The following FHL2 variants were observed in gnomAD, a reference collection of about 807,000 sequenced individuals.
FHL2 encodes the protein four and a half LIM domains protein 2.
In FHL2, 20 loss-of-function variants were observed where a neutral mutation model predicts 32.7. That is an observed-to-expected ratio of 0.61 (90% confidence interval 0.43 to 0.89). The LOEUF (loss-of-function observed/expected upper bound fraction) is 0.89. Among genes scored for constraint, FHL2 ranks in the 40% least tolerant of loss-of-function variants. FHL2 has a pLI of 0.00. For missense variants in FHL2, 311 were observed against 358.6 expected (o/e 0.87, Z 1.07); for synonymous variants, 123 against 128.1 (o/e 0.96, Z 0.27).
chr2:105,420,492 A>G (rs1684068608), intron 1 of FHL2, among the ~76,000 whole-genome samples: 1 of 152,142 alleles, frequency 6.6e-6, no homozygotes, highest in South Asian at 2.1e-4. Context: ...CAGCATATCA[A>G]TTTGGGGGAG....
intron 1 of FHL2, among the ~76,000 whole-genome samples, chr2:105,430,622 C>G (rs894062630): frequency 1.3e-5 from 2 of 152,146 alleles, no homozygotes; most frequent in African/African-American, 4.8e-5. Flanking sequence ...GAGCTGAGAT[C>G]GCGCCACTGC....
intron 4 of FHL2, among the ~76,000 whole-genome samples, chr2:105,371,094 A>G (rs1681029568): frequency 1.3e-5 from 2 of 152,064 alleles, no homozygotes; most frequent in Non-Finnish European, 2.9e-5. Context: ...TTATCTGATC[A>G]TGTTTTTCTT....
At chr2:105,399,495 C>T, upstream of FHL2, 1 of 1,536,172 alleles carries the variant, frequency 6.5e-7, no homozygotes. Flanking sequence ...GACGTTTTTC[C>T]TTCTTACCCT....
chr2:105,397,881 GTTTTTTGTT>G (rs1423592060), intron 1 of FHL2, among the ~76,000 whole-genome samples: 1,557 of 116,344 alleles, frequency 0.013, 29 homozygotes, highest in African/African-American at 0.046. Flanking sequence ...TTGTTTTTTT[GTTTTTTGTT>G]TTTTTTTGTC....
intron 1 of FHL2, among the ~76,000 whole-genome samples, chr2:105,432,192 G>A (rs1318932438): frequency 2.6e-5 from 4 of 152,124 alleles, no homozygotes; most frequent in East Asian, 1.9e-4. Flanking sequence ...TTGGATGATC[G>A]CCCATGCTGG....
intron 3 of FHL2, among the ~76,000 whole-genome samples, chr2:105,382,008 G>A (rs1392603618): frequency 6.6e-6 from 1 of 151,984 alleles, no homozygotes; most frequent in Non-Finnish European, 1.5e-5. Context: ...ATATACTAGG[G>A]GCATCTAGAT....
At chr2:105,395,201 A>G (rs1319489447) in intron 2 of FHL2, among the ~76,000 whole-genome samples, 2 of 152,204 alleles carry the variant, frequency 1.3e-5, no homozygotes, top group Non-Finnish European at 2.9e-5. Flanking sequence ...TTAATCTCAA[A>G]ACACATCAAT....
intron 4 of FHL2, among the ~76,000 whole-genome samples, chr2:105,368,928 T>A (rs1680829664): frequency 6.6e-6 from 1 of 152,224 alleles, no homozygotes; most frequent in African/African-American, 2.4e-5. Flanking sequence ...GCTTTTCAAA[T>A]GAAGTTTTAT....
chr2:105,433,421 A>T (rs1684496357), intron 1 of FHL2, among the ~76,000 whole-genome samples: 3 of 152,120 alleles, frequency 2.0e-5, no homozygotes, highest in South Asian at 2.1e-4. Flanking sequence ...ACTTCAGGTG[A>T]TCTGCCCACC....
Position 105,367,744 on chromosome 2 carries a change from C to A in FHL2, c.332-5G>T. 6.2e-7 allele frequency: 1 copy of A among 1,612,502 alleles called. No individual in the cohort carries two copies. The highest frequency in any genetic ancestry group is 1.1e-5 in the South Asian group (1 of 90,766). ...TGTACTCCATCTTGCGGGTACCTGT[C>A]ATCAGGGTCAAGAGGAACACAGCAG... On this transcript the variant is annotated splice_polypyrimidine_tract_variant and splice_region_variant and intron_variant, in intron 4 of 6. Transcript: ENST00000530340.
chr2:105,358,119 T>C (rs950583523), downstream of FHL2: 6 of 152,260 alleles, frequency 3.9e-5, no homozygotes, highest in African/African-American at 1.4e-4. Flanking sequence ...TTTTGCTTTT[T>C]GCTACTAATA....
At chr2:105,398,792 T>A (rs1185295837) in intron 1 of FHL2, 50 bp downstream of exon 1, 1 of 1,357,876 alleles carries the variant, frequency 7.4e-7, no homozygotes, top group African/African-American at 1.5e-5. Flanking sequence ...ACGGTTCGGG[T>A]CCCCTCTCCC....
At chr2:105,381,669 C>T (rs181792752) in intron 3 of FHL2, among the ~76,000 whole-genome samples, 82 of 152,288 alleles carry the variant, frequency 5.4e-4, no homozygotes, top group African/African-American at 1.9e-3. Flanking sequence ...TGATTAAATT[C>T]CCTTCACAGA....
chr2:105,433,894 C>T (rs1167992401), intron 1 of FHL2, among the ~76,000 whole-genome samples: 1 of 152,114 alleles, frequency 6.6e-6, no homozygotes, highest in East Asian at 1.9e-4. Flanking sequence ...TTTCATCTTA[C>T]AGAATGTTGA....
upstream of FHL2, among the ~76,000 whole-genome samples, chr2:105,402,032 AAT>A (rs547135605): frequency 9.7e-4 from 145 of 149,914 alleles, no homozygotes; most frequent in African/African-American, 3.0e-3. Flanking sequence ...TATATACACG[AAT>A]ATATATATAC....
chr2:105,399,316 C>T (rs569694193), upstream of FHL2: 2 of 1,535,722 alleles, frequency 1.3e-6, no homozygotes, highest in Non-Finnish European at 8.7e-7. Context: ...CTCTCGGGCG[C>T]GAGTTTCGGA....
rs79135954 is a variant in FHL2 at position 105,432,177 on chromosome 2, C to T, written c.-25+6222G>A. Among the ~76,000 whole-genome samples the T allele has an allele frequency of 5.5e-3, 845 of 152,320 alleles. 5 individuals carry two copies. The highest frequency in any genetic ancestry group is 0.018 in the African/African-American group (750 of 41,566). On this transcript the variant is annotated intron_variant, in intron 1 of 5. Transcript: ENST00000393352. ...AATTGTGGGTGTGCTTATTTCTCCC[C>T]TCACTTGGATGATCGCCCATGCTGG...
At chr2:105,430,945 G>A (rs542168949) in intron 1 of FHL2, among the ~76,000 whole-genome samples, 3 of 152,272 alleles carry the variant, frequency 2.0e-5, no homozygotes, top group African/African-American at 7.2e-5. Context: ...ACTCTTCCTC[G>A]ACTCTAAACA....
intron 5 of FHL2, among the ~76,000 whole-genome samples, chr2:105,366,539 C>T (rs905377179): frequency 1.4e-4 from 22 of 152,128 alleles, no homozygotes; most frequent in Admixed American, 3.3e-4. Context: ...AGGACAGAGA[C>T]GCTGGAAGCT....
Sources: allele counts gnomAD v4.1 joint callset (sites outside exome capture counted in the v4.1 genomes callset), GRCh38; gene constraint gnomAD v4.1.1; transcripts MANE v1.5; gene names NCBI Gene and HGNC (gene_info 2026-07-23, HGNC 2026-07-21).